The following MYO15B variants were observed in gnomAD, a reference collection of about 807,000 sequenced individuals.
MYO15B encodes myosin XVB pseudogene.
A neutral mutation model predicts 119.3 loss-of-function variants in MYO15B; 207 were observed. The observed-to-expected ratio is 1.73, with a 90% CI of 1.55 to 1.95. The LOEUF (loss-of-function observed/expected upper bound fraction) is 1.95. Among genes scored for constraint, MYO15B ranks in the 30% most tolerant of loss-of-function variants. The pLI is 0.00. For synonymous variants in MYO15B, 966 were observed against 498.9 expected (o/e 1.94, Z -12.48); for missense variants, 2,264 against 1,203.1 (o/e 1.88, Z -13.04).
At chr17:75,614,877 C>T in intron 32 of MYO15B, 28 bp downstream of exon 32, 1 of 702,892 alleles carries the variant, frequency 1.4e-6, no homozygotes. Flanking sequence ...CCCAAATGCC[C>T]CTGCCCCAAC....
exon 36 of MYO15B, chr17:75,615,702 A>G (rs1213492276): frequency 7.3e-6 from 5 of 683,318 alleles, no homozygotes; most frequent in South Asian, 3.1e-5. Flanking sequence ...GGCCCAGCAG[A>G]TGACAGCCCA....
At chr17:75,592,375 G>A in intron 7 of MYO15B, 53 bp from the exon 8 acceptor site, 4 of 695,160 alleles carry the variant, frequency 5.8e-6, no homozygotes, top group East Asian at 5.4e-5. Context: ...CTGTCGGGGT[G>A]TGGCCTCTAA....
chr17:75,615,662 G>A, intron 35 of MYO15B, 31 bp from the exon 36 acceptor site: 1 of 668,398 alleles, frequency 1.5e-6, no homozygotes, highest in Non-Finnish European at 2.7e-6. Context: ...TCGGGGATGA[G>A]GGTCTGAACT....
At chr17:75,624,563 G>A (rs2058910467) in exon 58 of MYO15B, 2 of 703,082 alleles carry the variant, frequency 2.8e-6, no homozygotes, top group Non-Finnish European at 5.2e-6. Flanking sequence ...AAGTGCAGGA[G>A]GAGCTGTGCC....
At chr17:75,602,441 T>A (rs2057343903) in intron 15 of MYO15B, 76 bp from the exon 16 acceptor site, 2 of 702,566 alleles carry the variant, frequency 2.8e-6, no homozygotes, top group African/African-American at 3.5e-5. Context: ...TTCTCCTCCA[T>A]ATCCAGCCTC....
At chr17:75,620,933 C>T (rs2058671538) in intron 49 of MYO15B, 98 bp from the exon 50 acceptor site, 2 of 702,444 alleles carry the variant, frequency 2.8e-6, no homozygotes, top group Non-Finnish European at 5.2e-6. Flanking sequence ...TCTGGTCTTG[C>T]TCCTTTGGTG....
chr17:75,615,909 G>A (rs777367038), intron 36 of MYO15B, 25 bp downstream of exon 36: 1 of 645,278 alleles, frequency 1.5e-6, no homozygotes, highest in South Asian at 1.7e-5. Flanking sequence ...ATATTCTCAG[G>A]AAGGGATGTG....
exon 55 of MYO15B, chr17:75,624,004 C>G: frequency 1.4e-6 from 1 of 703,034 alleles, no homozygotes; most frequent in Non-Finnish European, 2.6e-6. Context: ...CTTCTTCCCC[C>G]CGTCGACCAG....
At chr17:75,611,624 G>A (rs754719413) in exon 24 of MYO15B, 21 of 702,672 alleles carry the variant, frequency 3.0e-5, no homozygotes, top group South Asian at 2.4e-4. Context: ...TGGAGATCCC[G>A]GCTGAGCTGG....
chr17:75,612,663 C>CA (rs11336364), intron 25 of MYO15B, 135 bp from the exon 26 acceptor site: 352 of 523,246 alleles, frequency 6.7e-4, no homozygotes, highest in African/African-American at 3.4e-3. Flanking sequence ...GACTCTGCCT[C>CA]AAAAAAAAAA....
intron 12 of MYO15B, 117 bp downstream of exon 12, chr17:75,595,089 G>A (rs1297149690): frequency 2.4e-5 from 15 of 629,692 alleles, no homozygotes; most frequent in Non-Finnish European, 3.7e-5. Context: ...TGTCTGTCTG[G>A]CAGGGCGCTT....
At position 75,589,214 on chromosome 17, in the gene MYO15B, T is replaced by C. The variant is rs1414470235; in HGVS notation, c.1157T>C (p.Leu386Pro). 3 of 390,246 alleles carry C rather than the reference T, an allele frequency of 7.7e-6. No individual in the cohort carries two copies. The highest frequency in any genetic ancestry group is 1.3e-5 in the Non-Finnish European group (3 of 224,330). 24.2% of individuals were successfully genotyped at this position (390,246 alleles called of 1,614,324 possible). A position where few individuals can be genotyped will look rare whatever the true frequency, so the allele number is the denominator to read the frequency against. The change falls in exon 1 of 64, where the codon CTG becomes CCG. Residue 386 changes from leucine to proline, a missense_variant. Leu to Pro is a moderately conservative substitution (Grantham distance 98, BLOSUM62 -3). Transcript: ENST00000645453. The surrounding 1 kb of genome is among the most constrained non-coding windows in gnomAD (Gnocchi z 4.2). The stretch of plus-strand genomic sequence containing the variant: ...CGCTGGCTGCGGCGGCGGCTGCGGC[T>C]GCGGCGGCGGCCGCCAGAGGGCGAG...
Position 75,624,958 on chromosome 17 carries a change from C to T in MYO15B, c.8688+42C>T, listed in dbSNP as rs568014634. ...CCGAGCTGCTGCTGCAGTTTGAGGG[C>T]GCGGCTTCCTGCCTGGGCGACCTCC... On this transcript the variant is annotated intron_variant, in intron 59 of 63. Transcript: ENST00000645453. 1,091 of 695,650 alleles carry T rather than the reference C, an allele frequency of 1.6e-3. 7 individuals carry two copies. Among genetic ancestry groups the T allele is most frequent in the Admixed American group, 3.1e-3 (152 of 49,776 alleles). 43.1% of individuals were successfully genotyped at this position (695,650 alleles called of 1,614,324 possible). A position where few individuals can be genotyped will look rare whatever the true frequency, so the allele number is the denominator to read the frequency against.
Position 75,624,532 on chromosome 17 carries a change from C to A in MYO15B, c.8446-11C>A. On this transcript the variant is annotated splice_polypyrimidine_tract_variant and intron_variant, in intron 57 of 63. Transcript: ENST00000645453. Reference sequence around the variant, plus strand: ...TCCCTCCCCCTCATCACAGTCTGTCCACATGCCCAGGTAGCAGCAGAAGTG... The same window carrying A: ...TCCCTCCCCCTCATCACAGTCTGTCAACATGCCCAGGTAGCAGCAGAAGTG... 1.4e-6 allele frequency: 1 copy of A among 703,120 alleles called. No homozygotes were observed. The highest frequency in any genetic ancestry group is 2.7e-5 in the East Asian group (1 of 37,292). The allele number at this position is 703,120 out of a possible 1,614,324, so 43.6% of individuals were successfully genotyped here.
intron 49 of MYO15B, 58 bp from the exon 50 acceptor site, chr17:75,620,973 G>A (rs1318204605): frequency 1.4e-6 from 1 of 702,880 alleles, no homozygotes; most frequent in African/African-American, 1.7e-5. Context: ...GGCTGGGGCA[G>A]GACCCCTGGG....
intron 41 of MYO15B, 115 bp downstream of exon 41, chr17:75,617,419 C>A (rs377100608): frequency 1.1e-5 from 6 of 566,792 alleles, no homozygotes; most frequent in Admixed American, 6.9e-5. Context: ...GCCAGCTGTT[C>A]GGGCTTCTGG....
In MYO15B at chr17:75,610,277, G is replaced by A. The variant is rs1024486336; in HGVS notation, c.4386+18G>A. Reference sequence around the variant, plus strand: ...GACTGCAGGTGCAGGGGCTTGGGTGGGGCGGTTCAGGGTAGAAGCCAGGCT... The same window carrying A: ...GACTGCAGGTGCAGGGGCTTGGGTGAGGCGGTTCAGGGTAGAAGCCAGGCT... On this transcript the variant is annotated intron_variant, in intron 22 of 63. Coordinates refer to ENST00000645453, the Ensembl canonical transcript of MYO15B. 4 of 689,328 alleles carry A rather than the reference G, an allele frequency of 5.8e-6. No individual in the cohort carries two copies. In the Admixed American group the frequency reaches 8.3e-5, roughly 14 times the overall value. The allele number at this position is 689,328 out of a possible 1,614,324, so 42.7% of individuals were successfully genotyped here.
chr17:75,625,894 C>T lies in MYO15B; in HGVS notation c.8989C>T (p.Arg2997Ter), dbSNP rs770081437. The change falls in exon 62 of 64, where the codon CGA becomes TGA. Residue 2997 changes from arginine (R) to a stop codon, truncating the protein, a stop_gained. Transcript: ENST00000645453. LOFTEE classifies it high-confidence loss of function. The stretch of plus-strand genomic sequence containing the variant: ...CGGCTACACCGTCTATGGGGTGCTG[C>T]GAGTGAGCATGCAGGCCCTGTCCGG... 1.1e-4 allele frequency: 77 copies of T among 702,966 alleles called. No homozygotes were observed. In the East Asian group the frequency reaches 1.2e-3, roughly 11 times the overall value. 43.5% of individuals were successfully genotyped at this position (702,966 alleles called of 1,614,324 possible).
At chr17:75,625,007 T>TG (rs1324063979) in intron 59 of MYO15B, 91 bp downstream of exon 59, 2 of 668,240 alleles carry the variant, frequency 3.0e-6, no homozygotes, top group Non-Finnish European at 5.5e-6. Flanking sequence ...CACAAGGGTG[T>TG]GGGTCTGTGG....
Sources: gnomAD v4.1 joint callset for allele counts on GRCh38, gnomAD v4.1.1 for gene constraint, Gnocchi (gnomAD v3.1) non-coding constraint, MANE v1.5 for transcripts, NCBI Gene and HGNC (gene_info 2026-07-23, HGNC 2026-07-21) for gene names.